The following AKAP12 variants were observed in gnomAD, a reference collection of about 807,000 sequenced individuals.
The protein encoded by AKAP12 is A-kinase anchor protein 12.
Under a neutral mutation model 79.9 loss-of-function variants are expected in AKAP12, and 32 were observed. The observed-to-expected ratio is 0.40, with a 90% CI of 0.30 to 0.54. The LOEUF (loss-of-function observed/expected upper bound fraction) is 0.54. Ranked by LOEUF, AKAP12 falls within the 20% of genes least tolerant of loss-of-function variation. The pLI, the probability that AKAP12 is intolerant of heterozygous loss-of-function variation, is 0.48. For synonymous variants in AKAP12, 808 were observed against 857.0 expected, an observed-to-expected ratio of 0.94 and a Z score of 1.00; for missense variants, 2,074 against 2,177.0, an observed-to-expected ratio of 0.95 and a Z score of 0.94.
intron 2 of AKAP12, among the ~76,000 whole-genome samples, chr6:151,264,773 ATTAAT>A (rs1177749444): frequency 2.0e-5 from 3 of 152,158 alleles, no homozygotes; most frequent in Non-Finnish European, 4.4e-5. Flanking sequence ...ACAAAAATAA[ATTAAT>A]TTAGCTTCAA....
At chr6:151,280,313 A>T (rs1316786297) in intron 2 of AKAP12, among the ~76,000 whole-genome samples, 2 of 152,014 alleles carry the variant, frequency 1.3e-5, no homozygotes, top group Non-Finnish European at 2.9e-5. Flanking sequence ...AATGAAAATT[A>T]TGTATAATAT....
At chr6:151,302,818 T>A (rs1392381248) in intron 2 of AKAP12, among the ~76,000 whole-genome samples, 6 of 152,204 alleles carry the variant, frequency 3.9e-5, no homozygotes, top group Non-Finnish European at 8.8e-5. Context: ...AATATGTGAT[T>A]CCTGCTTTCC....
intron 3 of AKAP12, among the ~76,000 whole-genome samples, chr6:151,331,594 T>A (rs1562742919): frequency 6.6e-6 from 1 of 152,194 alleles, no homozygotes; most frequent in Non-Finnish European, 1.5e-5. Flanking sequence ...TGCATCTTTT[T>A]AAAAGTTTTG....
chr6:151,314,974 C>T (rs1358515277), intron 3 of AKAP12, among the ~76,000 whole-genome samples: 1 of 151,770 alleles, frequency 6.6e-6, no homozygotes, highest in Non-Finnish European at 1.5e-5. Flanking sequence ...ATCGCTTGAA[C>T]CCGGTAGGCG....
chr6:151,345,946 A>T (rs1324630077), intron 3 of AKAP12, among the ~76,000 whole-genome samples: 7 of 150,810 alleles, frequency 4.6e-5, no homozygotes, highest in South Asian at 2.1e-4. Flanking sequence ...AGAGAGAGAG[A>T]GAGAGAGAGA....
chr6:151,264,182 G>C (rs1797498770), intron 2 of AKAP12, among the ~76,000 whole-genome samples: 1 of 152,164 alleles, frequency 6.6e-6, no homozygotes, highest in African/African-American at 2.4e-5. Context: ...AGCATGCCAA[G>C]ATGAAAGTGG....
In AKAP12 at chr6:151,268,650, T is replaced by C. The variant is rs180819836; in HGVS notation, c.162+27926T>C. On this transcript the variant is annotated intron_variant, in intron 2 of 4. Transcript: ENST00000402676. ...TGGTTTTTTGTTTGTTTGAGTTTTT[T>C]TAAATTCTTTAAGACAGATTCTCAC... 2.4e-3 allele frequency among the ~76,000 whole-genome samples: 359 copies of C among 152,314 alleles called. 3 individuals are homozygous for C. The highest frequency in any genetic ancestry group is 8.2e-3 in the African/African-American group (340 of 41,552).
Position 151,352,680 on chromosome 6 carries a change from T to C in AKAP12, c.4289T>C (p.Val1430Ala), listed in dbSNP as rs781218235. ...ACAGCGGCTGCAGAGGAGGAAAAGG[T>C]CTTAGGAGAAACTGCCAACATTTTA... is the stretch of plus-strand genomic sequence containing the variant. Reference protein sequence around the residue: ...TLTAAAEEEKVLGETANILET... With the variant: ...TLTAAAEEEKALGETANILET... Residue 1430 changes from valine to alanine, a missense_variant, in exon 4 of 5, where the codon GTC (valine) becomes GCC (alanine). Coordinates refer to ENST00000402676, the MANE Select transcript of AKAP12 (RefSeq NM_005100.4). 2.5e-6 allele frequency: 4 copies of C among 1,613,986 alleles called. No homozygotes were observed. In the African/African-American group the frequency reaches 4.0e-5, roughly 16 times the overall value.
At chr6:151,312,064 T>C (rs953590882) in intron 3 of AKAP12, among the ~76,000 whole-genome samples, 6 of 152,172 alleles carry the variant, frequency 3.9e-5, no homozygotes, top group African/African-American at 1.4e-4. Context: ...GGTATCTTGT[T>C]AGAAGTGCCT....
intron 3 of AKAP12, among the ~76,000 whole-genome samples, chr6:151,335,839 G>A (rs1178262068): frequency 6.6e-6 from 1 of 152,108 alleles, no homozygotes; most frequent in Non-Finnish European, 1.5e-5. Flanking sequence ...TTGCATAATG[G>A]TGAGGTTTGG....
At position 151,355,300 on chromosome 6, in the gene AKAP12, TTTTG is replaced by T. The variant is rs575040126; in HGVS notation, c.*13-411_*13-408del. On this transcript the variant is annotated intron_variant, in intron 4 of 4. Transcript: ENST00000402676. ...CACCGCACCCAGCCCTATCTTTGTT[TTTTG>T]TTTGTTTGTTTGTTTTTGAGACAGA... Among the ~76,000 whole-genome samples the T allele has an allele frequency of 7.0e-4, 105 of 150,376 alleles. 1 individual carries two copies. The highest frequency in any genetic ancestry group is 1.8e-3 in the East Asian group (9 of 5,054).
chr6:151,286,666 C>A (rs1409226856), intron 2 of AKAP12, among the ~76,000 whole-genome samples: 1 of 152,120 alleles, frequency 6.6e-6, no homozygotes, highest in East Asian at 1.9e-4. Flanking sequence ...ATTGAGGTAT[C>A]CGTTATCTAT....
At chr6:151,324,255 C>A in intron 3 of AKAP12, 1 of 985,396 alleles carries the variant, frequency 1.0e-6, no homozygotes, top group Non-Finnish European at 1.2e-6. Flanking sequence ...AGGACAAGGC[C>A]CATCATTCCC....
rs761267326 is a variant in AKAP12, at chr6:151,353,507, G to A, written c.5116G>A (p.Asp1706Asn). 2.5e-6 allele frequency: 4 copies of A among 1,614,168 alleles called. No individual in the cohort carries two copies. The highest frequency in any genetic ancestry group is 2.5e-6 in the Non-Finnish European group (3 of 1,180,032). Residue 1706 changes from aspartate to asparagine, a missense_variant, in exon 4 of 5, where the codon GAC becomes AAC. Asp to Asn is a conservative substitution (Grantham distance 23). Around this residue, in one of 3 missense-constraint regions of AKAP12, gnomAD observed 614 missense variants for 665.6 expected, o/e 0.92. Transcript: ENST00000402676. The stretch of plus-strand genomic sequence containing the variant: ...AGATGAAAAAGGTGATGATGTTGAT[G>A]ACCCTGAAAACCAGAACTCAGCCCT... ...KEDEKGDDVDDPENQNSALAD... is the reference protein window; with the variant it reads ...KEDEKGDDVDNPENQNSALAD...
intron 4 of AKAP12, among the ~76,000 whole-genome samples, chr6:151,354,442 C>T (rs960418811): frequency 3.3e-5 from 5 of 152,100 alleles, no homozygotes; most frequent in Non-Finnish European, 4.4e-5. Context: ...GGCGCGATCT[C>T]GGCTCACTGC....
chr6:151,274,076 CTT>C (rs377032584), intron 2 of AKAP12, among the ~76,000 whole-genome samples: 10 of 137,772 alleles, frequency 7.3e-5, no homozygotes, highest in Admixed American at 7.3e-5. Context: ...TCCCTCAGTT[CTT>C]TTTTTTTTTT....
intron 2 of AKAP12, among the ~76,000 whole-genome samples, chr6:151,264,234 G>C (rs1797502933): frequency 6.6e-6 from 1 of 152,106 alleles, no homozygotes; most frequent in Non-Finnish European, 1.5e-5. Context: ...ATGAACTGCT[G>C]ACATTCCTTG....
At chr6:151,305,153 A>T (rs1582869505) in intron 2 of AKAP12, among the ~76,000 whole-genome samples, 1 of 147,598 alleles carries the variant, frequency 6.8e-6, no homozygotes, top group African/African-American at 2.5e-5. Flanking sequence ...GGACACCCCC[A>T]GCCTCAGTCA....
At chr6:151,346,681 A>G (rs1224270655) in intron 3 of AKAP12, among the ~76,000 whole-genome samples, 1 of 152,164 alleles carries the variant, frequency 6.6e-6, no homozygotes, top group Non-Finnish European at 1.5e-5. Flanking sequence ...TCCATTGCCA[A>G]GGTCATTTTT....
Sources: gnomAD v4.1 joint callset for allele counts (sites outside exome capture counted in the v4.1 genomes callset) on GRCh38, gnomAD v4.1.1 for gene constraint, gnomAD v4.1.1 regional missense constraint, MANE v1.5 for transcripts, NCBI Gene and HGNC (gene_info 2026-07-23, HGNC 2026-07-21) for gene names.